The following GPC6 variants were observed in gnomAD, a reference collection of about 807,000 sequenced individuals.
The protein encoded by GPC6 is glypican 6.
In GPC6, 14 loss-of-function variants were observed where a neutral mutation model predicts 55.2. The observed-to-expected ratio is 0.25, with a 90% CI of 0.17 to 0.40. The LOEUF is 0.40. Among genes scored for constraint, GPC6 ranks in the 10% least tolerant of loss-of-function variants. The pLI is 1.00. For missense variants in GPC6, 641 were observed against 708.5 expected, an observed-to-expected ratio of 0.90 and a Z score of 1.08; for synonymous variants, 278 against 259.6, an observed-to-expected ratio of 1.07 and a Z score of -0.68.
chr13:93,461,923 TAACTG>T (rs1390926236), intron 1 of GPC6, among the ~76,000 whole-genome samples: 2 of 152,170 alleles, frequency 1.3e-5, no homozygotes, highest in East Asian at 3.9e-4. Flanking sequence ...TAGTTGAACT[TAACTG>T]GATTAACATG....
At chr13:93,988,713 G>A (rs186417256) in intron 3 of GPC6, among the ~76,000 whole-genome samples, 2 of 152,108 alleles carry the variant, frequency 1.3e-5, no homozygotes, top group East Asian at 1.9e-4. Flanking sequence ...TCTCCCAAAC[G>A]CTCTACCTCC....
At chr13:94,147,935 A>T (rs1180720285) in intron 4 of GPC6, among the ~76,000 whole-genome samples, 1 of 152,226 alleles carries the variant, frequency 6.6e-6, no homozygotes, top group Non-Finnish European at 1.5e-5. Flanking sequence ...AGTTTGATGT[A>T]AAGTTATTTT....
intron 4 of GPC6, among the ~76,000 whole-genome samples, chr13:94,256,103 C>T (rs1226792689): frequency 6.6e-6 from 1 of 152,090 alleles, no homozygotes; most frequent in East Asian, 1.9e-4. Context: ...GTAGACTTCA[C>T]ATCTATTGGA....
the GPC6 span, among the ~76,000 whole-genome samples, chr13:93,216,967 T>G: frequency 6.6e-6 from 1 of 152,220 alleles, no homozygotes; most frequent in Admixed American, 6.5e-5. Flanking sequence ...TGCTACCAAT[T>G]GCAATACATA....
At chr13:93,640,576 A>G (rs1879870163) in intron 2 of GPC6, among the ~76,000 whole-genome samples, 1 of 151,978 alleles carries the variant, frequency 6.6e-6, no homozygotes, top group African/African-American at 2.4e-5. Flanking sequence ...GCTTGTAGGA[A>G]CTCTCTATCA....
intron 3 of GPC6, among the ~76,000 whole-genome samples, chr13:93,888,840 T>C (rs1269077789): frequency 4.6e-5 from 7 of 151,820 alleles, no homozygotes; most frequent in African/African-American, 1.7e-4. Flanking sequence ...CATAGGGAGG[T>C]CTTGACTATT....
intron 4 of GPC6, among the ~76,000 whole-genome samples, chr13:94,053,682 T>C (rs956405734): frequency 3.3e-5 from 5 of 152,172 alleles, no homozygotes; most frequent in African/African-American, 1.2e-4. Flanking sequence ...CCCATCTATA[T>C]ATGTAACTCC....
intron 2 of GPC6, among the ~76,000 whole-genome samples, chr13:93,783,733 A>G (rs141954164): frequency 4.6e-5 from 7 of 152,246 alleles, no homozygotes; most frequent in African/African-American, 1.2e-4. Context: ...TCCTACCATC[A>G]TATCCTATCA....
At chr13:93,694,030 A>G (rs1420200442) in intron 2 of GPC6, among the ~76,000 whole-genome samples, 1 of 152,214 alleles carries the variant, frequency 6.6e-6, no homozygotes, top group Non-Finnish European at 1.5e-5. Context: ...TCATTGAAAT[A>G]TCCATAAATG....
chr13:94,157,216 C>A (rs1407500134), intron 4 of GPC6, among the ~76,000 whole-genome samples: 2 of 152,092 alleles, frequency 1.3e-5, no homozygotes, highest in Admixed American at 6.6e-5. Flanking sequence ...GGAATGTGTC[C>A]CTTCTTCATA....
At chr13:93,223,018 A>ATTTTTTTTT (rs1875661668), upstream of GPC6, among the ~76,000 whole-genome samples, 2 of 48,286 alleles carry the variant, frequency 4.1e-5, no homozygotes, top group Admixed American at 2.5e-4. Context: ...CAGGGAAAAC[A>ATTTTTTTTT]CTTTTTTTTT....
chr13:93,674,775 G>A (rs1456270085), intron 2 of GPC6, among the ~76,000 whole-genome samples: 1 of 152,162 alleles, frequency 6.6e-6, no homozygotes, highest in African/African-American at 2.4e-5. Context: ...TGTTTTAGCT[G>A]TGCCTAAACC....
chr13:94,077,137 A>G (rs1884944922), intron 4 of GPC6, among the ~76,000 whole-genome samples: 3 of 151,690 alleles, frequency 2.0e-5, no homozygotes, highest in Admixed American at 1.3e-4. Context: ...TTTTCCATTT[A>G]TTTGGGTCTT....
intron 6 of GPC6, among the ~76,000 whole-genome samples, chr13:94,377,397 A>G (rs1490188473): frequency 2.3e-5 from 3 of 131,530 alleles, no homozygotes; most frequent in Non-Finnish European, 4.9e-5. Context: ...ACATGAACAG[A>G]CACTTCTCAA....
chr13:94,066,446 C>G (rs2138775942), intron 4 of GPC6, among the ~76,000 whole-genome samples: 1 of 152,222 alleles, frequency 6.6e-6, no homozygotes, highest in Non-Finnish European at 1.5e-5. Context: ...ATCACATATA[C>G]AGTTTTTCCC....
rs957322354 is a variant in GPC6 at position 93,782,216 on chromosome 13, G to A, written c.320-47938G>A. ...CTGTGCTTGGCCTATTTTACTTAAC[G>A]TAATGTCTTCTAGGTTCATCCATGT... On this transcript the variant is annotated intron_variant, in intron 2 of 8. Transcript: ENST00000377047. 1.1e-4 allele frequency among the ~76,000 whole-genome samples: 16 copies of A among 152,052 alleles called. 1 individual carries two copies. The highest frequency in any genetic ancestry group is 6.3e-3 in the Middle Eastern group (2 of 316).
intron 7 of GPC6, among the ~76,000 whole-genome samples, chr13:94,392,369 G>C (rs1401408992): frequency 6.7e-6 from 1 of 150,248 alleles, no homozygotes; most frequent in South Asian, 2.1e-4. Flanking sequence ...GGTACTTGGG[G>C]TGTGTATATA....
chr13:94,164,339 C>T (rs1163472356), intron 4 of GPC6, among the ~76,000 whole-genome samples: 1 of 152,066 alleles, frequency 6.6e-6, no homozygotes, highest in Non-Finnish European at 1.5e-5. Flanking sequence ...TTGTACCCAG[C>T]GAGGTAGATC....
intron 4 of GPC6, among the ~76,000 whole-genome samples, chr13:94,067,723 G>A (rs1884579940): frequency 6.6e-6 from 1 of 152,182 alleles, no homozygotes; most frequent in Non-Finnish European, 1.5e-5. Context: ...CAAATAATAT[G>A]TGTGTGGCTA....
Sources: gnomAD v4.1 joint callset for allele counts (sites outside exome capture counted in the v4.1 genomes callset) on GRCh38, gnomAD v4.1.1 for gene constraint, MANE v1.5 for transcripts, NCBI Gene and HGNC (gene_info 2026-07-23, HGNC 2026-07-21) for gene names.